PRKCE: variants seen among roughly 807,000 people sequenced by gnomAD.
The protein encoded by PRKCE is protein kinase C epsilon, also known as protein kinase C epsilon type.
PRKCE carries 16 observed loss-of-function variants against 85.4 expected under a neutral mutation model. The observed-to-expected ratio is 0.19, with a 90% CI of 0.13 to 0.28. The LOEUF (loss-of-function observed/expected upper bound fraction) is 0.28, where lower values mean the gene tolerates loss of function less well. Ranked by LOEUF, PRKCE falls within the 10% of genes least tolerant of loss-of-function variation. PRKCE has a pLI of 1.00. For missense variants in PRKCE, 573 were observed against 975.2 expected (o/e 0.59, Z 5.49); for synonymous variants, 388 against 371.5 (o/e 1.04, Z -0.51).
At chr2:46,055,372 G>T (rs546169685) in intron 10 of PRKCE, among the ~76,000 whole-genome samples, 1 of 152,228 alleles carries the variant, frequency 6.6e-6, no homozygotes, top group Non-Finnish European at 1.5e-5. Context: ...GTCTGCCCCT[G>T]CCAGCACCGA....
In PRKCE at chr2:46,138,466, A is replaced by G. The variant is rs1675205340; in HGVS notation, c.1593-6627A>G. Among the ~76,000 whole-genome samples, 2 of 152,188 alleles carry G rather than the reference A, an allele frequency of 1.3e-5. No homozygotes were observed. Among genetic ancestry groups the G allele is most frequent in the African/African-American group, 4.8e-5 (2 of 41,448 alleles). ...TTAAACATGTGGGTTGAGGATGCCA[A>G]TTAGCAGGGTTGGTAGAGTCAGGAT... On this transcript the variant is annotated intron_variant, in intron 11 of 14. Transcript: ENST00000306156. The surrounding 1 kb of genome is among the most constrained non-coding windows in gnomAD (Gnocchi z 4.2).
intron 10 of PRKCE, 22 bp from the exon 11 acceptor site, chr2:46,086,186 G>A (rs535090133): frequency 1.9e-6 from 3 of 1,598,238 alleles, no homozygotes; most frequent in South Asian, 1.1e-5. Flanking sequence ...GACCCAAATG[G>A]CATTTTCTTC....
intron 1 of PRKCE, among the ~76,000 whole-genome samples, chr2:45,746,338 C>G (rs1202744773): frequency 6.6e-6 from 1 of 152,216 alleles, no homozygotes; most frequent in Admixed American, 6.5e-5. Context: ...CAAAACCAAA[C>G]TCGGTTTTCC....
chr2:45,842,307 T>C (rs1691419237), intron 1 of PRKCE, among the ~76,000 whole-genome samples: 1 of 152,224 alleles, frequency 6.6e-6, no homozygotes, highest in Non-Finnish European at 1.5e-5. Flanking sequence ...TCTTCTACAC[T>C]GATTTCAGGT....
intron 10 of PRKCE, among the ~76,000 whole-genome samples, chr2:46,022,852 G>A (rs1706781631): frequency 6.6e-6 from 1 of 152,046 alleles, no homozygotes; most frequent in South Asian, 2.1e-4. Context: ...GGGAGGCCGA[G>A]GCGGGTGGAT....
chr2:46,005,800 C>A (rs548569887), intron 8 of PRKCE, among the ~76,000 whole-genome samples: 35 of 152,332 alleles, frequency 2.3e-4, no homozygotes, highest in African/African-American at 8.2e-4. Context: ...TTATACTCTA[C>A]CTCATTCCAA....
intron 1 of PRKCE, among the ~76,000 whole-genome samples, chr2:45,822,466 C>T (rs1265008725): frequency 1.3e-5 from 2 of 152,232 alleles, no homozygotes; most frequent in Non-Finnish European, 2.9e-5. Context: ...CCTGCAGGGT[C>T]GTGGCTGTCT....
chr2:45,883,419 G>A (rs1432799219), intron 2 of PRKCE, among the ~76,000 whole-genome samples: 1 of 152,222 alleles, frequency 6.6e-6, no homozygotes, highest in Non-Finnish European at 1.5e-5. Flanking sequence ...GCTGTGGCCA[G>A]TGTCTAATGG....
intron 11 of PRKCE, among the ~76,000 whole-genome samples, chr2:46,130,106 A>G (rs1054714827): frequency 6.6e-6 from 1 of 152,168 alleles, no homozygotes; most frequent in Non-Finnish European, 1.5e-5. Context: ...TGTATTCTTA[A>G]GGTTTCAGGT....
chr2:45,825,408 T>C (rs1300797328), intron 1 of PRKCE, among the ~76,000 whole-genome samples: 1 of 152,202 alleles, frequency 6.6e-6, no homozygotes, highest in African/African-American at 2.4e-5. Context: ...CCAAACTGTG[T>C]TAGAGCAACA....
At chr2:46,062,878 C>T (rs1372720715) in intron 10 of PRKCE, among the ~76,000 whole-genome samples, 1 of 152,234 alleles carries the variant, frequency 6.6e-6, no homozygotes, top group Non-Finnish European at 1.5e-5. Flanking sequence ...ATCCTCCCAC[C>T]TCAGCTTCCC....
rs574548642 is a variant in PRKCE, at chr2:45,844,712, C to G, written c.412+1649C>G. ...TGATAATTAATTAAATATGTATTTC[C>G]TGTGCCAAGATGCTGAGCAACCAAT... On this transcript the variant is annotated intron_variant, in intron 2 of 14. Transcript: ENST00000306156. Among the ~76,000 whole-genome samples, 21 of 152,306 alleles carry G rather than the reference C, an allele frequency of 1.4e-4. 1 individual carries two copies. In the South Asian group the frequency reaches 4.4e-3, roughly 32 times the overall value.
chr2:46,016,687 T>C (rs181084639), intron 10 of PRKCE, among the ~76,000 whole-genome samples: 5 of 152,154 alleles, frequency 3.3e-5, no homozygotes, highest in Admixed American at 1.3e-4. Context: ...GGCAGGTGGA[T>C]CACCTGAGGT....
At chr2:45,938,057 C>T (rs932070505) in intron 2 of PRKCE, among the ~76,000 whole-genome samples, 9 of 152,204 alleles carry the variant, frequency 5.9e-5, no homozygotes, top group Non-Finnish European at 1.0e-4. Context: ...CCTTCCCCTT[C>T]GGCCTCTTCT....
chr2:45,945,351 C>T (rs564885541), intron 2 of PRKCE, among the ~76,000 whole-genome samples: 4 of 152,178 alleles, frequency 2.6e-5, no homozygotes, highest in East Asian at 3.9e-4. Flanking sequence ...TGTCACATGG[C>T]GAGAGCTGAA....
At chr2:46,125,182 A>G (rs554667933) in intron 11 of PRKCE, among the ~76,000 whole-genome samples, 2 of 152,304 alleles carry the variant, frequency 1.3e-5, no homozygotes, top group Admixed American at 6.5e-5. Context: ...AGTCTTTGGG[A>G]AGAGCATTTG....
chr2:46,151,058 G>C lies in PRKCE; in HGVS notation c.1749G>C (p.Glu583Asp). 1.3e-6 allele frequency: 2 copies of C among 1,599,314 alleles called. No homozygotes were observed. Among genetic ancestry groups the C allele is most frequent in the Non-Finnish European group, 1.7e-6 (2 of 1,179,730 alleles). ...CTGAACAGATCCTGCAGGAGTTGGA[G>C]TATGGCCCCTCCGTGGACTGGTGGG... ...YIAPEILQEL[E>D]YGPSVDWWAL... The change falls in exon 13 of 15, where the codon GAG (glutamate) becomes GAC (aspartate). Residue 583 changes from glutamate to aspartate, a missense_variant. Physicochemically the swap from Glu to Asp is conservative, Grantham distance 45. Coordinates refer to ENST00000306156, the MANE Select transcript of PRKCE (RefSeq NM_005400.3).
chr2:45,984,993 C>T (rs978519682), intron 6 of PRKCE, among the ~76,000 whole-genome samples: 5 of 152,094 alleles, frequency 3.3e-5, no homozygotes, highest in Non-Finnish European at 7.3e-5. Context: ...TACATTAGAG[C>T]AGAAGAAAAG....
chr2:45,973,455 C>T (rs896019180), intron 2 of PRKCE, among the ~76,000 whole-genome samples: 3 of 152,234 alleles, frequency 2.0e-5, no homozygotes, highest in African/African-American at 7.2e-5. Flanking sequence ...CTGTGACCTT[C>T]TGTTTTTCCA....
Sources: gnomAD v4.1 joint callset for allele counts (sites outside exome capture counted in the v4.1 genomes callset) on GRCh38, gnomAD v4.1.1 for gene constraint, Gnocchi (gnomAD v3.1) non-coding constraint, MANE v1.5 for transcripts, NCBI Gene and HGNC (gene_info 2026-07-23, HGNC 2026-07-21) for gene names.